The following CDYL variants were observed in gnomAD, a reference collection of about 807,000 sequenced individuals.
CDYL encodes the protein chromodomain Y-like protein.
A neutral mutation model predicts 47.3 loss-of-function variants in CDYL; 8 were observed. The ratio of observed to expected loss-of-function variants is 0.17; its 90% CI spans 0.10 to 0.31. CDYL has a LOEUF of 0.31. Among genes scored for constraint, CDYL ranks in the 10% least tolerant of loss-of-function variants. CDYL has a pLI of 1.00. For synonymous variants in CDYL, 266 were observed against 265.0 expected, an observed-to-expected ratio of 1.00 and a Z score of -0.04; for missense variants, 471 against 701.4, an observed-to-expected ratio of 0.67 and a Z score of 3.71.
intron 1 of CDYL, among the ~76,000 whole-genome samples, chr6:4,880,622 G>A (rs764847457): frequency 2.6e-5 from 4 of 152,202 alleles, no homozygotes; most frequent in African/African-American, 7.2e-5. Flanking sequence ...ACTGTTGTCC[G>A]AAGTGGCTGT....
At chr6:4,711,762 C>A (rs77100357) in intron 1 of CDYL, among the ~76,000 whole-genome samples, 2 of 152,114 alleles carry the variant, frequency 1.3e-5, no homozygotes, top group African/African-American at 4.8e-5. Context: ...GACCACCAAG[C>A]GAGTATAAAA....
At position 4,769,255 on chromosome 6, in the gene CDYL, A is replaced by C. The variant is rs182044750; in HGVS notation, c.186+34411A>C. On this transcript the variant is annotated intron_variant, in intron 3 of 8. Coordinates refer to the CDYL transcript ENST00000328908. ...TATACCTGACTAAATGTAATGGGGA[A>C]AACTGGGTATGGGAACTCTCTACTA... Among the ~76,000 whole-genome samples, 280 of 152,344 alleles carry C rather than the reference A, an allele frequency of 1.8e-3. 1 individual carries two copies. The highest frequency in any genetic ancestry group is 6.2e-3 in the African/African-American group (258 of 41,582).
At chr6:4,715,818 A>G in exon 2 of CDYL, 1 of 1,614,170 alleles carries the variant, frequency 6.2e-7, no homozygotes, top group Non-Finnish European at 8.5e-7. Flanking sequence ...CTGGGGAAAA[A>G]GCAGGAAGAA....
intron 3 of CDYL, among the ~76,000 whole-genome samples, chr6:4,762,353 A>T (rs903264172): frequency 2.6e-5 from 4 of 152,178 alleles, no homozygotes; most frequent in Admixed American, 6.5e-5. Context: ...ATCATCTCAG[A>T]CCTCAAATAT....
At chr6:4,724,431 G>C (rs907133637) in intron 2 of CDYL, 2 of 152,330 alleles carry the variant, frequency 1.3e-5, no homozygotes, top group Admixed American at 6.5e-5. Flanking sequence ...TTATGCTGCA[G>C]TACTGTGCCA....
At chr6:4,850,039 G>A (rs961012234) in intron 1 of CDYL, among the ~76,000 whole-genome samples, 1 of 152,120 alleles carries the variant, frequency 6.6e-6, no homozygotes, top group Non-Finnish European at 1.5e-5. Flanking sequence ...GACTGGATTG[G>A]CAAAAATATA....
chr6:4,794,471 C>T (rs116051683), intron 1 of CDYL, among the ~76,000 whole-genome samples: 153 of 152,126 alleles, frequency 1.0e-3, no homozygotes, highest in African/African-American at 3.4e-3. Context: ...GGCGACTCCT[C>T]GGAAGGGTTT....
At chr6:4,805,574 G>A (rs1178521189) in intron 1 of CDYL, among the ~76,000 whole-genome samples, 2 of 152,136 alleles carry the variant, frequency 1.3e-5, no homozygotes, top group Admixed American at 6.5e-5. Context: ...TGGAGGCCCC[G>A]GAAAGTGGTG....
intron 1 of CDYL, among the ~76,000 whole-genome samples, chr6:4,803,495 G>T (rs1759282539): frequency 6.6e-6 from 1 of 152,208 alleles, no homozygotes; most frequent in Non-Finnish European, 1.5e-5. Context: ...GCATGGATGA[G>T]AATTCTTTCA....
intron 2 of CDYL, among the ~76,000 whole-genome samples, chr6:4,734,107 T>G (rs1219211292): frequency 6.6e-6 from 1 of 152,188 alleles, no homozygotes; most frequent in Non-Finnish European, 1.5e-5. Context: ...CCCAAAGTGC[T>G]GGGATTACAG....
chr6:4,825,740 C>A (rs190094353), intron 1 of CDYL, among the ~76,000 whole-genome samples: 9 of 152,098 alleles, frequency 5.9e-5, no homozygotes, highest in African/African-American at 2.2e-4. Context: ...AACAGCCAAT[C>A]CTCATTATTC....
intron 2 of CDYL, among the ~76,000 whole-genome samples, chr6:4,719,581 C>T (rs1461058008): frequency 6.6e-6 from 1 of 152,112 alleles, no homozygotes; most frequent in Non-Finnish European, 1.5e-5. Flanking sequence ...TACTCATTTT[C>T]ATGAAGATTA....
chr6:4,938,668 ATGTCT>A (rs770738750), intron 4 of CDYL, among the ~76,000 whole-genome samples: 37 of 152,350 alleles, frequency 2.4e-4, no homozygotes, highest in Non-Finnish European at 4.4e-4. Context: ...TGTACAATAG[ATGTCT>A]TGATCTAAGC....
intron 2 of CDYL, among the ~76,000 whole-genome samples, chr6:4,918,117 A>T (rs1757608618): frequency 6.6e-6 from 1 of 152,234 alleles, no homozygotes; most frequent in Non-Finnish European, 1.5e-5. Flanking sequence ...TGCAAAAGCC[A>T]GTTGGTTCTG....
At chr6:4,772,695 C>T (rs1297332697), upstream of CDYL, among the ~76,000 whole-genome samples, 1 of 152,050 alleles carries the variant, frequency 6.6e-6, no homozygotes, top group African/African-American at 2.4e-5. Flanking sequence ...GGTTTAAAAC[C>T]AACAAACTTA....
chr6:4,877,414 A>G (rs1761650059), intron 1 of CDYL, among the ~76,000 whole-genome samples: 1 of 152,140 alleles, frequency 6.6e-6, no homozygotes, highest in Non-Finnish European at 1.5e-5. Flanking sequence ...TGCCTTCCCC[A>G]AAGTCACAAG....
At chr6:4,944,874 G>A (rs1004864994) in intron 5 of CDYL, among the ~76,000 whole-genome samples, 4 of 152,178 alleles carry the variant, frequency 2.6e-5, no homozygotes, top group South Asian at 4.1e-4. Context: ...ACAGAAATAA[G>A]ACAAAAGCCA....
At chr6:4,928,153 A>G (rs1112267) in intron 2 of CDYL, among the ~76,000 whole-genome samples, 136,026 of 152,274 alleles carry the variant, frequency 0.89, 61,147 homozygotes, top group Middle Eastern at 0.95. Context: ...CTTCACCACC[A>G]AGGTTTTAAT....
chr6:4,880,223 T>C (rs1199479369), intron 1 of CDYL, among the ~76,000 whole-genome samples: 1 of 152,210 alleles, frequency 6.6e-6, no homozygotes. Flanking sequence ...CAGTGAGCTT[T>C]GTACTGTCTC....
Sources: gnomAD v4.1 joint callset for allele counts (sites outside exome capture counted in the v4.1 genomes callset) on GRCh38, gnomAD v4.1.1 for gene constraint, MANE v1.5 for transcripts, NCBI Gene and HGNC (gene_info 2026-07-23, HGNC 2026-07-21) for gene names.